Variants in FHIT observed in about 807,000 individuals in gnomAD.
FHIT encodes fragile histidine triad diadenosine triphosphatase.
In FHIT, 19 loss-of-function variants were observed where a neutral mutation model predicts 17.9. The observed-to-expected ratio is 1.06, with a 90% CI of 0.74 to 1.56. The LOEUF is 1.56. Ranked by LOEUF, FHIT falls within the 40% of genes most tolerant of loss-of-function variation. The pLI is 0.00. For synonymous variants in FHIT, 81 were observed against 69.7 expected (o/e 1.16, Z -0.81); for missense variants, 248 against 189.2 (o/e 1.31, Z -1.82).
chr3:61,098,328 G>A (rs2035706504), intron 2 of FHIT, among the ~76,000 whole-genome samples: 1 of 152,102 alleles, frequency 6.6e-6, no homozygotes, highest in Non-Finnish European at 1.5e-5. Context: ...TTGTACCAGA[G>A]CCATGCTGTT....
At chr3:60,651,634 C>A (rs2039994146) in intron 4 of FHIT, among the ~76,000 whole-genome samples, 1 of 151,968 alleles carries the variant, frequency 6.6e-6, no homozygotes, top group Non-Finnish European at 1.5e-5. Flanking sequence ...AACTTCTGGG[C>A]TGATCAGTTG....
intron 3 of FHIT, among the ~76,000 whole-genome samples, chr3:60,898,554 A>G (rs917254950): frequency 6.6e-6 from 1 of 152,334 alleles, no homozygotes; most frequent in Middle Eastern, 3.4e-3. Context: ...AACAGTGTAA[A>G]GTTCTGCAAA....
intron 8 of FHIT, among the ~76,000 whole-genome samples, chr3:59,815,228 C>T (rs1700555865): frequency 6.6e-6 from 1 of 151,948 alleles, no homozygotes; most frequent in Non-Finnish European, 1.5e-5. Context: ...CAGCCCAGGC[C>T]ACTATGGAAG....
At chr3:60,563,958 A>G (rs1490661329) in intron 4 of FHIT, among the ~76,000 whole-genome samples, 1 of 152,236 alleles carries the variant, frequency 6.6e-6, no homozygotes, top group East Asian at 1.9e-4. Context: ...GATAGTGACA[A>G]AACAGCCTTC....
At chr3:60,098,518 T>G (rs1704060622) in intron 5 of FHIT, among the ~76,000 whole-genome samples, 1 of 152,196 alleles carries the variant, frequency 6.6e-6, no homozygotes, top group Admixed American at 6.5e-5. Context: ...TGTCTTCTTT[T>G]GAGAAATGTC....
chr3:61,247,369 C>T (rs1334778411), intron 1 of FHIT, among the ~76,000 whole-genome samples: 4 of 152,178 alleles, frequency 2.6e-5, no homozygotes, highest in Non-Finnish European at 5.9e-5. Context: ...GGTCATTGCC[C>T]CAGGATTACT....
intron 4 of FHIT, among the ~76,000 whole-genome samples, chr3:60,655,533 G>A (rs2040095583): frequency 1.3e-5 from 2 of 152,216 alleles, no homozygotes; most frequent in South Asian, 4.2e-4. Flanking sequence ...ATTTTATCTC[G>A]ACAGAACAAT....
chr3:60,381,827 A>G (rs1700811949), intron 5 of FHIT, among the ~76,000 whole-genome samples: 1 of 139,120 alleles, frequency 7.2e-6, no homozygotes, highest in African/African-American at 2.7e-5. Context: ...TAACTCTGTA[A>G]CTCTGGGTAT....
chr3:61,149,216 T>A (rs890865649), intron 2 of FHIT, among the ~76,000 whole-genome samples: 2 of 152,084 alleles, frequency 1.3e-5, no homozygotes, highest in African/African-American at 4.8e-5. Flanking sequence ...GAGTAATAGA[T>A]GGTATTTCCA....
chr3:59,885,879 G>A (rs73839566), intron 8 of FHIT, among the ~76,000 whole-genome samples: 3,644 of 152,248 alleles, frequency 0.024, 121 homozygotes, highest in African/African-American at 0.074. Context: ...AAACTAGCAG[G>A]CAGGCAGGCC....
chr3:59,859,371 A>G (rs1465949280), intron 8 of FHIT, among the ~76,000 whole-genome samples: 1 of 152,202 alleles, frequency 6.6e-6, no homozygotes, highest in Non-Finnish European at 1.5e-5. Context: ...TCCTACAGGA[A>G]AAAAAGACCT....
At chr3:60,324,529 G>T (rs866567471) in intron 5 of FHIT, among the ~76,000 whole-genome samples, 3 of 139,444 alleles carry the variant, frequency 2.2e-5, no homozygotes, top group African/African-American at 8.2e-5. Flanking sequence ...AGCTTGCAGT[G>T]AGCCAAGATC....
intron 5 of FHIT, among the ~76,000 whole-genome samples, chr3:60,228,939 G>T (rs1704352299): frequency 6.6e-6 from 1 of 152,026 alleles, no homozygotes; most frequent in African/African-American, 2.4e-5. Flanking sequence ...ATCAGTAAAG[G>T]GCAAGGAAGT....
At chr3:60,421,592 G>A (rs752787494) in intron 5 of FHIT, among the ~76,000 whole-genome samples, 1 of 151,780 alleles carries the variant, frequency 6.6e-6, no homozygotes, top group Non-Finnish European at 1.5e-5. Flanking sequence ...ATTTTATTTT[G>A]TTAGGTATTC....
At chr3:59,795,080 G>A (rs1302778674) in intron 8 of FHIT, among the ~76,000 whole-genome samples, 2 of 152,096 alleles carry the variant, frequency 1.3e-5, no homozygotes, top group African/African-American at 4.8e-5. Flanking sequence ...AAGTTCTCAG[G>A]CAGTCATTAG....
chr3:60,974,375 T>C (rs991284016), intron 3 of FHIT, among the ~76,000 whole-genome samples: 3 of 152,202 alleles, frequency 2.0e-5, no homozygotes, highest in Middle Eastern at 3.2e-3. Flanking sequence ...GAAATGAGCA[T>C]GTGATCTACA....
At chr3:60,173,884 A>T (rs1325175167) in intron 5 of FHIT, among the ~76,000 whole-genome samples, 8 of 30,508 alleles carry the variant, frequency 2.6e-4, no homozygotes, top group East Asian at 1.4e-3. Context: ...CCATGTTTCT[A>T]ATATATATAT....
intron 5 of FHIT, among the ~76,000 whole-genome samples, chr3:60,161,556 C>T (rs1700940733): frequency 6.6e-6 from 1 of 152,122 alleles, no homozygotes; most frequent in East Asian, 1.9e-4. Flanking sequence ...CTTTCAAGGG[C>T]ATGATTCCTC....
chr3:60,322,107 G>C (rs1055867249), intron 5 of FHIT, among the ~76,000 whole-genome samples: 3 of 152,088 alleles, frequency 2.0e-5, no homozygotes, highest in African/African-American at 7.2e-5. Flanking sequence ...ATTTGTCCAG[G>C]TACAGCCCAT....
Sources: gnomAD v4.1 joint callset for allele counts (sites outside exome capture counted in the v4.1 genomes callset) on GRCh38, gnomAD v4.1.1 for gene constraint, MANE v1.5 for transcripts, NCBI Gene and HGNC (gene_info 2026-07-23, HGNC 2026-07-21) for gene names.